The following RHOBTB1 variants were observed in gnomAD, a reference collection of about 807,000 sequenced individuals.
RHOBTB1 encodes the protein Rho related BTB domain containing 1.
RHOBTB1 carries 40 observed loss-of-function variants against 71.6 expected under a neutral mutation model. The ratio of observed to expected loss-of-function variants is 0.56; its 90% CI spans 0.43 to 0.73. RHOBTB1 has a LOEUF of 0.73. Among genes scored for constraint, RHOBTB1 ranks in the 30% least tolerant of loss-of-function variants. The pLI is 0.00. For missense variants in RHOBTB1, 797 were observed against 894.0 expected (o/e 0.89, Z 1.38); for synonymous variants, 319 against 334.9 (o/e 0.95, Z 0.52).
chr10:60,972,349 T>C (rs1042366043), intron 2 of RHOBTB1, among the ~76,000 whole-genome samples: 1 of 152,130 alleles, frequency 6.6e-6, no homozygotes, highest in Non-Finnish European at 1.5e-5. Context: ...TGGAATACTA[T>C]GCAGCCATAA....
At position 60,874,830 on chromosome 10, in the gene RHOBTB1, C is replaced by T. The variant is rs900246656; in HGVS notation, c.1815+124G>A. On this transcript the variant is annotated intron_variant, in intron 9 of 10. Coordinates refer to ENST00000337910, the MANE Select transcript of RHOBTB1 (RefSeq NM_014836.5). ...AACTCTCAGATCTTCTTAGTGTACA[C>T]AGGGGGACTCTGTGACTCAGTGGTG... is the stretch of plus-strand genomic sequence containing the variant. 5 of 709,618 alleles carry T rather than the reference C, an allele frequency of 7.0e-6. No individual in the cohort carries two copies. The African/African-American group carries it at 8.7e-5, about 12-fold the overall frequency. The allele number at this position is 709,618 out of a possible 1,614,324, so 44.0% of individuals were successfully genotyped here.
At chr10:60,926,909 A>G (rs1415570381) in intron 2 of RHOBTB1, among the ~76,000 whole-genome samples, 1 of 152,212 alleles carries the variant, frequency 6.6e-6, no homozygotes, top group Non-Finnish European at 1.5e-5. Flanking sequence ...GAAATAAAGG[A>G]CATTCAAATT....
intron 4 of RHOBTB1, among the ~76,000 whole-genome samples, chr10:60,904,882 T>G (rs1245611305): frequency 6.6e-6 from 1 of 152,238 alleles, no homozygotes; most frequent in African/African-American, 2.4e-5. Flanking sequence ...GTTCTTTTTG[T>G]TACAGCAGCA....
intron 2 of RHOBTB1, among the ~76,000 whole-genome samples, chr10:60,954,995 A>G (rs1359792517): frequency 1.3e-5 from 2 of 150,676 alleles, no homozygotes; most frequent in African/African-American, 4.9e-5. Flanking sequence ...GTCCACTTTG[A>G]GCTACCCATA....
intron 4 of RHOBTB1, among the ~76,000 whole-genome samples, chr10:60,910,300 C>T (rs530000752): frequency 5.8e-4 from 88 of 152,194 alleles, no homozygotes; most frequent in African/African-American, 2.0e-3. Flanking sequence ...GAGGAGTTTT[C>T]CCATTACTAG....
intron 2 of RHOBTB1, among the ~76,000 whole-genome samples, chr10:60,920,301 T>G (rs757665357): frequency 1.3e-4 from 20 of 151,758 alleles, no homozygotes; most frequent in Non-Finnish European, 2.5e-4. Context: ...CATCACAAAT[T>G]TGGGGGGTCC....
intron 2 of RHOBTB1, among the ~76,000 whole-genome samples, chr10:60,983,529 CTT>C (rs967815741): frequency 6.6e-6 from 1 of 151,984 alleles, no homozygotes; most frequent in Non-Finnish European, 1.5e-5. Flanking sequence ...TTCTTTCTTT[CTT>C]TTTTCCTCTT....
At chr10:60,865,099 A>G (rs2080631110), downstream of RHOBTB1, among the ~76,000 whole-genome samples, 1 of 152,216 alleles carries the variant, frequency 6.6e-6, no homozygotes, top group South Asian at 2.1e-4. Flanking sequence ...GAGAGAGAAA[A>G]CATAGTGATT....
At chr10:60,883,267 C>G (rs1387157226) in intron 7 of RHOBTB1, among the ~76,000 whole-genome samples, 2 of 152,206 alleles carry the variant, frequency 1.3e-5, no homozygotes, top group African/African-American at 4.8e-5. Context: ...TGAGGGACCT[C>G]ATCTCTCCAG....
intron 1 of RHOBTB1, 62 bp downstream of exon 1, chr10:60,943,909 G>T (rs2085072788): frequency 6.6e-6 from 1 of 152,176 alleles, no homozygotes; most frequent in South Asian, 2.1e-4. Context: ...GGGCGGTGGG[G>T]GCTCCGCAGC....
chr10:60,889,980 T>C (rs1471642555), intron 5 of RHOBTB1, among the ~76,000 whole-genome samples: 2 of 152,202 alleles, frequency 1.3e-5, no homozygotes, highest in Non-Finnish European at 2.9e-5. Flanking sequence ...TTAAAATCCA[T>C]TCATATACAT....
intron 2 of RHOBTB1, among the ~76,000 whole-genome samples, chr10:60,931,528 G>A (rs750475146): frequency 5.9e-4 from 90 of 152,032 alleles, no homozygotes; most frequent in Non-Finnish European, 1.2e-3. Flanking sequence ...TACTTTTTAT[G>A]GCTGAAAAAT....
chr10:60,924,806 CG>C (rs1198989159), intron 2 of RHOBTB1, among the ~76,000 whole-genome samples: 1 of 152,076 alleles, frequency 6.6e-6, no homozygotes, highest in Non-Finnish European at 1.5e-5. Flanking sequence ...CTGACCACAA[CG>C]GAATAAAACT....
At chr10:60,878,158 TG>T in intron 7 of RHOBTB1, 100 bp from the exon 8 acceptor site, 1 of 877,484 alleles carries the variant, frequency 1.1e-6, no homozygotes, top group Non-Finnish European at 1.8e-6. Context: ...GACTTGATAT[TG>T]GTGAGTGTTG....
intron 2 of RHOBTB1, among the ~76,000 whole-genome samples, chr10:60,950,397 G>A (rs888625560): frequency 3.3e-5 from 5 of 152,198 alleles, no homozygotes; most frequent in Non-Finnish European, 7.3e-5. Context: ...TTACATTTAT[G>A]TGTCACAGCA....
At chr10:60,965,855 G>A (rs2085939119) in intron 2 of RHOBTB1, among the ~76,000 whole-genome samples, 1 of 152,036 alleles carries the variant, frequency 6.6e-6, no homozygotes, top group Non-Finnish European at 1.5e-5. Context: ...ACATTGTCTT[G>A]CCTTGTTGGC....
chr10:60,976,183 T>C lies in RHOBTB1; in HGVS notation c.-62+9662A>G, dbSNP rs117373805. ...TACTAGATATTGCAACGGTGGCACA[T>C]AAGGAAAGCAGTAACAGCATTTCAT... On this transcript the variant is annotated intron_variant, in intron 2 of 11. Coordinates refer to the RHOBTB1 transcript ENST00000357917. 9.5e-3 allele frequency among the ~76,000 whole-genome samples: 1,448 copies of C among 152,010 alleles called. 7 individuals carry two copies. Among genetic ancestry groups the C allele is most frequent in the Non-Finnish European group, 0.017 (1,122 of 67,946 alleles).
chr10:60,908,667 A>T (rs902302736), intron 4 of RHOBTB1, among the ~76,000 whole-genome samples: 128 of 152,326 alleles, frequency 8.4e-4, no homozygotes, highest in African/African-American at 2.7e-3. Context: ...AGTTTTTTCC[A>T]TAAAAATGTA....
chr10:60,970,157 C>T (rs1477962763), intron 2 of RHOBTB1, among the ~76,000 whole-genome samples: 1 of 151,992 alleles, frequency 6.6e-6, no homozygotes, highest in African/African-American at 2.4e-5. Context: ...TGATTGTTTG[C>T]CTGTAATAGT....
Sources: allele counts gnomAD v4.1 joint callset (sites outside exome capture counted in the v4.1 genomes callset), GRCh38; gene constraint gnomAD v4.1.1; transcripts MANE v1.5; gene names NCBI Gene and HGNC (gene_info 2026-07-23, HGNC 2026-07-21).